The following PGLYRP4 variants were observed in gnomAD, a reference collection of about 807,000 sequenced individuals.
PGLYRP4 encodes PGRP-I-beta.
In PGLYRP4, 39 loss-of-function variants were observed where a neutral mutation model predicts 41.2. That is an observed-to-expected ratio of 0.95 (90% CI 0.73 to 1.24). The LOEUF is 1.24. Among genes scored for constraint, PGLYRP4 ranks in the 50% most tolerant of loss-of-function variants. PGLYRP4 has a pLI of 0.00. For missense variants in PGLYRP4, 467 were observed against 460.7 expected, an observed-to-expected ratio of 1.01 and a Z score of -0.13; for synonymous variants, 202 against 186.8, an observed-to-expected ratio of 1.08 and a Z score of -0.66.
intron 5 of PGLYRP4, among the ~76,000 whole-genome samples, chr1:153,342,106 G>A (rs962328192): frequency 6.6e-6 from 1 of 152,206 alleles, no homozygotes; most frequent in Admixed American, 6.5e-5. Context: ...CTCCAGGCAT[G>A]TGTCAGGCTC....
intron 7 of PGLYRP4, among the ~76,000 whole-genome samples, chr1:153,339,490 CT>C (rs1359896664): frequency 6.6e-6 from 1 of 152,172 alleles, no homozygotes; most frequent in Non-Finnish European, 1.5e-5. Context: ...TTAAAGGTTC[CT>C]TCTATGAATG....
intron 5 of PGLYRP4, 80 bp from the exon 6 acceptor site, chr1:153,341,859 C>CAGGGGCTGGCAGAG: frequency 7.1e-7 from 1 of 1,411,554 alleles, no homozygotes; most frequent in Non-Finnish European, 9.7e-7. Flanking sequence ...AGATGCTCTG[C>CAGGGGCTGGCAGAG]CAGCCCCTGC....
At chr1:153,336,369 C>CACAAAA (rs1660561617) in intron 8 of PGLYRP4, among the ~76,000 whole-genome samples, 1 of 76,498 alleles carries the variant, frequency 1.3e-5, no homozygotes, top group Non-Finnish European at 2.2e-5. Context: ...GACTCCATCT[C>CACAAAA]AAAAAAAAAA....
chr1:153,343,507 C>A (rs779168918), intron 4 of PGLYRP4, among the ~76,000 whole-genome samples: 1 of 152,182 alleles, frequency 6.6e-6, no homozygotes, highest in Non-Finnish European at 1.5e-5. Flanking sequence ...ACTGACCACA[C>A]AATGGAAGGC....
Position 153,345,208 on chromosome 1 carries a change from T to A in PGLYRP4, c.314A>T (p.His105Leu). 6.2e-7 allele frequency: 1 copy of A among 1,613,804 alleles called. No individual in the cohort carries two copies. Among genetic ancestry groups the A allele is most frequent in the South Asian group, 1.1e-5 (1 of 91,086 alleles). The change falls in exon 4 of 9, where the codon CAT becomes CTT. Residue 105 changes from histidine (H) to leucine (L), a missense_variant. Physicochemically the swap from His to Leu is moderately conservative, Grantham distance 99. Transcript: ENST00000359650. ...CSQRLRELQA[H>L]HVHNNSGCDV... is the part of the protein sequence containing the mutation. ...ACACCCACTGTTGTTGTGGACATGA[T>A]GGGCCTGCAGTTCCCGCAGTCTCTG...
chr1:153,335,727 A>AAATAAATAACTG (rs1660530110), intron 8 of PGLYRP4, among the ~76,000 whole-genome samples: 1 of 133,634 alleles, frequency 7.5e-6, no homozygotes. Context: ...CTGTCTAAAT[A>AAATAAATAACTG]AATAAATAAA....
At chr1:153,334,576 A>T (rs1040529209) in intron 8 of PGLYRP4, among the ~76,000 whole-genome samples, 1 of 151,122 alleles carries the variant, frequency 6.6e-6, no homozygotes, top group Non-Finnish European at 1.5e-5. Flanking sequence ...ATGAGAAGAC[A>T]TCCCATGCTC....
chr1:153,345,298 G>A lies in PGLYRP4; in HGVS notation c.224C>T (p.Pro75Leu). The A allele has an allele frequency of 6.2e-7, 1 of 1,614,154 alleles. No individual in the cohort carries two copies. The highest frequency in any genetic ancestry group is 8.5e-7 in the Non-Finnish European group (1 of 1,179,998). Residue 75 changes from proline to leucine, a missense_variant, in exon 4 of 9, where the codon CCA (proline) becomes CTA (leucine). Transcript: ENST00000359650. ...ATGGTGTATAACAAGGACATTCACT[G>A]GCGTGGTCAGCTGAATACTGCAGCC... The part of the protein sequence containing the change: ...AVGCSIQLTT[P>L]VNVLVIHHVP...
intron 4 of PGLYRP4, among the ~76,000 whole-genome samples, chr1:153,343,492 T>C (rs1460906240): frequency 6.6e-6 from 1 of 152,204 alleles, no homozygotes; most frequent in East Asian, 1.9e-4. Flanking sequence ...AGAGGTTCCA[T>C]GGTAACTGAC....
In PGLYRP4 at chr1:153,343,180, A is replaced by G; in HGVS notation, c.382T>C (p.Tyr128His). 6.2e-7 allele frequency: 1 copy of G among 1,613,738 alleles called. No homozygotes were observed. The highest frequency in any genetic ancestry group is 8.5e-7 in the Non-Finnish European group (1 of 1,179,614). The stretch of plus-strand genomic sequence containing the variant: ...TGGATATTCCAGCCAACACCTTCAT[A>G]CACCCTGCCATCATCCCCAACCAGG... Reference protein sequence around the residue: ...NFLVGDDGRVYEGVGWNIQGV... With the variant: ...NFLVGDDGRVHEGVGWNIQGV... Residue 128 changes from tyrosine to histidine, a missense_variant, in exon 5 of 9, where the codon TAT becomes CAT. Coordinates refer to ENST00000359650, the MANE Select transcript of PGLYRP4 (RefSeq NM_020393.4).
At chr1:153,340,669 C>A (rs1660762236) in intron 6 of PGLYRP4, 90 bp from the exon 7 acceptor site, 2 of 1,312,422 alleles carry the variant, frequency 1.5e-6, no homozygotes, top group Non-Finnish European at 2.1e-6. Context: ...GCTCAGGACC[C>A]TCAACTTCCC....
intron 8 of PGLYRP4, among the ~76,000 whole-genome samples, chr1:153,335,720 T>A (rs888905729): frequency 2.4e-5 from 1 of 41,866 alleles, no homozygotes; most frequent in East Asian, 7.1e-4. Context: ...CAAGACTCTG[T>A]CTAAATAAAT....
chr1:153,342,975 A>G, intron 5 of PGLYRP4, 115 bp downstream of exon 5: 1 of 522,236 alleles, frequency 1.9e-6, no homozygotes, highest in South Asian at 2.5e-5. Context: ...GGGTCTTCAG[A>G]GAAGTATGAG....
Position 153,341,751 on chromosome 1 carries a change from C to G in PGLYRP4, c.501G>C (p.Ser167=). Residue 167 remains serine, a synonymous_variant, in exon 6 of 9, where the codon TCG becomes TCC. Coordinates refer to ENST00000359650, the MANE Select transcript of PGLYRP4 (RefSeq NM_020393.4). ...CATAGGTGATTAGGTTTTCCATGGCCGACAGGGCAGCAGGGCTGGGACTGT... is the reference window on the plus strand; with the variant it reads ...CATAGGTGATTAGGTTTTCCATGGCGGACAGGGCAGCAGGGCTGGGACTGT... ...KGHSPSPAAL[S]AMENLITYAV... 1 of 1,613,854 alleles carries G rather than the reference C, an allele frequency of 6.2e-7. No individual in the cohort carries two copies. Among genetic ancestry groups the G allele is most frequent in the African/African-American group, 1.3e-5 (1 of 75,036 alleles).
At position 153,330,534 on chromosome 1, in the gene PGLYRP4, G is replaced by A; in HGVS notation, c.*233C>T. 2.9e-6 allele frequency: 1 copy of A among 343,258 alleles called. No individual in the cohort carries two copies. Among genetic ancestry groups the A allele is most frequent in the Non-Finnish European group, 5.5e-6 (1 of 182,620 alleles). The allele number at this position is 343,258 out of a possible 1,614,324, so 21.3% of individuals were successfully genotyped here. A position where few individuals can be genotyped will look rare whatever the true frequency, so the allele number is the denominator to read the frequency against. On this transcript the variant is annotated 3_prime_UTR_variant, in exon 9 of 9. Coordinates refer to ENST00000359650, the MANE Select transcript of PGLYRP4 (RefSeq NM_020393.4). ...GGTTTCCAAGGGAGAGGAAGGTAAG[G>A]AGAGAAGAAATCTGGACTCAGACTC...
Position 153,346,148 on chromosome 1 carries a change from C to T in PGLYRP4, c.93G>A (p.Glu31=), listed in dbSNP as rs1661000285. The T allele has an allele frequency of 6.2e-7, 1 of 1,614,088 alleles. No homozygotes were observed. Among genetic ancestry groups the T allele is most frequent in the Non-Finnish European group, 8.5e-7 (1 of 1,179,948 alleles). The change falls in exon 3 of 9, where the codon GAG becomes GAA. Residue 31 remains glutamate (E), a synonymous_variant. Coordinates refer to ENST00000359650, the MANE Select transcript of PGLYRP4 (RefSeq NM_020393.4). The part of the protein sequence containing the change: ...WNKTQAKQVS[E]GLQYLFENIS... ...TGTTCTCAAATAGGTACTGGAGCCC[C>T]TCTGATACCTGTTTAGCTTGTGTTT...
Position 153,343,074 on chromosome 1 carries a change from C to T in PGLYRP4, c.472+16G>A, listed in dbSNP as rs764414160. The T allele has an allele frequency of 2.0e-6, 3 of 1,489,054 alleles. No homozygotes were observed. In the South Asian group the frequency reaches 3.4e-5, roughly 17 times the overall value. The allele number at this position is 1,489,054 out of a possible 1,614,324, so 92.2% of individuals were successfully genotyped here. A position where few individuals can be genotyped will look rare whatever the true frequency, so the allele number is the denominator to read the frequency against. ...TAGAGAACTCTTTGGAGAAGGTCAG[C>T]TGTGATAACTGTTACCTTTCTTAGT... is the stretch of plus-strand genomic sequence containing the variant. On this transcript the variant is annotated intron_variant, in intron 5 of 8. Transcript: ENST00000359650.
At chr1:153,348,060 C>T (rs1661092665) in intron 1 of PGLYRP4, 82 bp from the exon 2 acceptor site, 1 of 733,862 alleles carries the variant, frequency 1.4e-6, no homozygotes, top group African/African-American at 1.8e-5. Context: ...TGGGTGCCAT[C>T]TGCCTCCTCT....
Position 153,347,965 on chromosome 1 carries a change from G to A in PGLYRP4, c.-33C>T, listed in dbSNP as rs754583729. On this transcript the variant is annotated 5_prime_UTR_variant, in exon 2 of 9. Coordinates refer to ENST00000359650, the MANE Select transcript of PGLYRP4 (RefSeq NM_020393.4). ...TGGTCCCAGGACACCAATCTGGAGA[G>A]TGTGGATGGCAGCCTGAGAGAGACG... The A allele has an allele frequency of 3.2e-6, 5 of 1,581,998 alleles. No homozygotes were observed. Among genetic ancestry groups the A allele is most frequent in the Admixed American group, 1.7e-5 (1 of 59,414 alleles).
Sources: allele counts gnomAD v4.1 joint callset (sites outside exome capture counted in the v4.1 genomes callset), GRCh38; gene constraint gnomAD v4.1.1; transcripts MANE v1.5; gene names NCBI Gene and HGNC (gene_info 2026-07-23, HGNC 2026-07-21).